The following ENPP1 variants were observed in gnomAD, a reference collection of about 807,000 sequenced individuals.
ENPP1 encodes ectonucleotide pyrophosphatase/phosphodiesterase family member 1.
Under a neutral mutation model 122.8 loss-of-function variants are expected in ENPP1, and 73 were observed. That is an observed-to-expected ratio of 0.59 (90% CI 0.49 to 0.72). The LOEUF (loss-of-function observed/expected upper bound fraction) is 0.72, where lower values mean the gene tolerates loss of function less well. Ranked by LOEUF, ENPP1 falls within the 30% of genes least tolerant of loss-of-function variation. The pLI, the probability that ENPP1 is intolerant of heterozygous loss-of-function variation, is 0.00. For missense variants in ENPP1, 978 were observed against 1,128.1 expected (o/e 0.87, Z 1.91); for synonymous variants, 367 against 391.6 (o/e 0.94, Z 0.74).
chr6:131,850,867 C>T (rs909960474), intron 3 of ENPP1, among the ~76,000 whole-genome samples: 2 of 152,160 alleles, frequency 1.3e-5, no homozygotes, highest in African/African-American at 4.8e-5. Context: ...TAGAAGAAGC[C>T]AGGTCTACAT....
intron 1 of ENPP1, among the ~76,000 whole-genome samples, chr6:131,824,973 T>A (rs28565992): frequency 0.12 from 18,383 of 151,992 alleles, 1,713 homozygotes; most frequent in African/African-American, 0.25. Flanking sequence ...GGCACCAGAA[T>A]TGCTTGAACC....
At chr6:131,843,249 T>C (rs1303404926) in intron 1 of ENPP1, among the ~76,000 whole-genome samples, 1 of 152,192 alleles carries the variant, frequency 6.6e-6, no homozygotes, top group South Asian at 2.1e-4. Flanking sequence ...GTAGTAGATA[T>C]TCTAAATTTC....
chr6:131,871,974 A>C, intron 13 of ENPP1, 96 bp from the exon 14 acceptor site: 1 of 933,986 alleles, frequency 1.1e-6, no homozygotes, highest in Non-Finnish European at 1.7e-6. Context: ...CTTGGTATTT[A>C]AATGCAGAGT....
chr6:131,858,559 C>A, intron 6 of ENPP1, 109 bp from the exon 7 acceptor site: 1 of 719,014 alleles, frequency 1.4e-6, no homozygotes, highest in Non-Finnish European at 2.5e-6. Context: ...AAAATCCCTC[C>A]TGGGCTAATT....
chr6:131,883,800 A>G, intron 22 of ENPP1, 26 bp downstream of exon 22: 2 of 1,148,206 alleles, frequency 1.7e-6, no homozygotes, highest in South Asian at 1.2e-5. Flanking sequence ...TCTATATTTG[A>G]TAATTTTAAT....
At chr6:131,869,620 G>A (rs1454036107) in intron 13 of ENPP1, 131 bp downstream of exon 13, 1 of 814,504 alleles carries the variant, frequency 1.2e-6, no homozygotes, top group Non-Finnish European at 2.1e-6. Context: ...CCTGAGGTCA[G>A]GAGTTCGAGA....
rs879040039 is a variant in ENPP1, at chr6:131,808,279, G to T, written c.240+4G>T. ...CACCTATAAAGTACTCTCGCTGGTA[G>T]GTCCGCGGCCAGGCCCCGGCGCCCG... On this transcript the variant is annotated splice_donor_region_variant and intron_variant, in intron 1 of 24. Coordinates refer to ENST00000647893, the MANE Select transcript of ENPP1 (RefSeq NM_006208.3). The T allele has an allele frequency of 1.6e-5, 24 of 1,498,242 alleles. No homozygotes were observed. The South Asian group carries it at 2.7e-4, about 17-fold the overall frequency. The allele number at this position is 1,498,242 out of a possible 1,614,324, so 92.8% of individuals were successfully genotyped here. A position where few individuals can be genotyped will look rare whatever the true frequency, so the allele number is the denominator to read the frequency against.
chr6:131,879,491 C>A (rs1419071344), intron 19 of ENPP1, among the ~76,000 whole-genome samples: 1 of 152,042 alleles, frequency 6.6e-6, no homozygotes, highest in African/African-American at 2.4e-5. Flanking sequence ...CTCATAATTT[C>A]AATTCTGAAC....
chr6:131,815,456 A>G (rs78475142), intron 1 of ENPP1, among the ~76,000 whole-genome samples: 1,869 of 151,802 alleles, frequency 0.012, 53 homozygotes, highest in African/African-American at 0.042. Flanking sequence ...AGCTGTTTCC[A>G]CTCCATGTTG....
rs1185588724 is a variant in ENPP1, at chr6:131,876,842, C to G, written c.1724-150C>G. ...TAAAAATAACCTAGTCTTAAATACT[C>G]TAAAACCCAAGAGAGTTTTATACTT... On this transcript the variant is annotated intron_variant, in intron 17 of 24. Transcript: ENST00000647893. 9 of 720,254 alleles carry G rather than the reference C, an allele frequency of 1.2e-5. No homozygotes were observed. The Admixed American group carries it at 2.1e-4, about 17-fold the overall frequency. The allele number at this position is 720,254 out of a possible 1,614,324, so 44.6% of individuals were successfully genotyped here. A position where few individuals can be genotyped will look rare whatever the true frequency, so the allele number is the denominator to read the frequency against.
intron 11 of ENPP1, among the ~76,000 whole-genome samples, chr6:131,865,856 C>T (rs1782082550): frequency 1.3e-5 from 2 of 151,982 alleles, no homozygotes; most frequent in Non-Finnish European, 2.9e-5. Flanking sequence ...ATTAGCCGGG[C>T]CTGGTGGTGT....
At chr6:131,856,413 C>A (rs964878000) in intron 6 of ENPP1, among the ~76,000 whole-genome samples, 8 of 149,534 alleles carry the variant, frequency 5.3e-5, no homozygotes, top group Non-Finnish European at 1.5e-5. Context: ...GAGTAGGTTG[C>A]GAAAATTTTC....
intron 1 of ENPP1, among the ~76,000 whole-genome samples, chr6:131,813,223 G>A (rs149258543): frequency 0.012 from 1,766 of 152,162 alleles, 26 homozygotes; most frequent in African/African-American, 0.04. Flanking sequence ...GGCTGTTGTG[G>A]CTGTGTGTGA....
rs1353618368 is a variant in ENPP1 at position 131,892,151 on chromosome 6, C to CT, written c.*1646dup. The CT allele has an allele frequency of 1.3e-5, 2 of 152,008 alleles. No homozygotes were observed. The highest frequency in any genetic ancestry group is 6.6e-5 in the Admixed American group (1 of 15,260). 9.4% of individuals were successfully genotyped at this position (152,008 alleles called of 1,614,324 possible). A position where few individuals can be genotyped will look rare whatever the true frequency, so the allele number is the denominator to read the frequency against. ...CTCATTGTTTGCATCTACTGATGGT[C>CT]TTTTTTCCATTCGGAAACATTTTCC... On this transcript the variant is annotated 3_prime_UTR_variant, in exon 25 of 25. Transcript: ENST00000647893.
chr6:131,823,667 A>T (rs893823776), intron 1 of ENPP1, among the ~76,000 whole-genome samples: 2 of 151,432 alleles, frequency 1.3e-5, no homozygotes, highest in African/African-American at 4.9e-5. Flanking sequence ...CTCAAATGAA[A>T]CATTCTTTAG....
chr6:131,869,586 T>C, intron 13 of ENPP1, 97 bp downstream of exon 13: 1 of 1,303,516 alleles, frequency 7.7e-7, no homozygotes, highest in Admixed American at 1.7e-5. Context: ...CGCAGCACTT[T>C]GGGAGGCCAA....
chr6:131,865,308 A>C (rs919964708), intron 11 of ENPP1, among the ~76,000 whole-genome samples: 5 of 152,218 alleles, frequency 3.3e-5, no homozygotes, highest in African/African-American at 1.2e-4. Context: ...TAGCAGAGGA[A>C]GCCTCCTATG....
At chr6:131,827,352 C>T in intron 1 of ENPP1, 1 of 1,087,488 alleles carries the variant, frequency 9.2e-7, no homozygotes, top group Non-Finnish European at 1.4e-6. Flanking sequence ...AGGGATGTCA[C>T]TATAGTTGCT....
intron 14 of ENPP1, 81 bp from the exon 15 acceptor site, chr6:131,872,825 GAAATATCTTTCCCTAAT>G (rs1023016194): frequency 2.4e-5 from 29 of 1,219,656 alleles, no homozygotes; most frequent in Middle Eastern, 2.3e-4. Context: ...AGATATTAGG[GAAATATCTTTCCCTAAT>G]AAATATCTTT....
Sources: allele counts gnomAD v4.1 joint callset (sites outside exome capture counted in the v4.1 genomes callset), GRCh38; gene constraint gnomAD v4.1.1; transcripts MANE v1.5; gene names NCBI Gene and HGNC (gene_info 2026-07-23, HGNC 2026-07-21).